The following KIAA0586 variants were observed in gnomAD, a reference collection of about 807,000 sequenced individuals.
The protein encoded by KIAA0586 is protein TALPID3.
KIAA0586 carries 144 observed loss-of-function variants against 169.8 expected under a neutral mutation model. The observed-to-expected ratio is 0.85, with a 90% CI of 0.74 to 0.97. The LOEUF is 0.97. Ranked by LOEUF, KIAA0586 falls within the 50% of genes least tolerant of loss-of-function variation. The pLI, the probability that KIAA0586 is intolerant of heterozygous loss-of-function variation, is 0.00. For missense variants in KIAA0586, 1,854 were observed against 1,823.0 expected (o/e 1.02, Z -0.31); for synonymous variants, 625 against 612.4 (o/e 1.02, Z -0.30).
chr14:58,540,186 T>G, intron 30 of KIAA0586, 50 bp downstream of exon 30: 1 of 1,017,680 alleles, frequency 9.8e-7, no homozygotes, highest in Non-Finnish European at 1.5e-6. Context: ...TTCAGATTTT[T>G]TCATTTCCTG....
intron 9 of KIAA0586, 145 bp downstream of exon 9, chr14:58,453,618 C>G (rs2039582109): frequency 1.8e-6 from 1 of 556,230 alleles, no homozygotes; most frequent in Non-Finnish European, 3.0e-6. Flanking sequence ...GCTAATATAT[C>G]TTCCCCCTTT....
At chr14:58,547,684 G>GCC in intron 30 of KIAA0586, 97 bp from the exon 31 acceptor site, 1 of 946,966 alleles carries the variant, frequency 1.1e-6, no homozygotes, top group Non-Finnish European at 1.6e-6. Context: ...TGGAATCCGC[G>GCC]CCCCCCCACC....
At chr14:58,514,454 AT>A (rs1566927764) in intron 29 of KIAA0586, among the ~76,000 whole-genome samples, 1 of 151,984 alleles carries the variant, frequency 6.6e-6, no homozygotes, top group African/African-American at 2.4e-5. Flanking sequence ...AATTTTGGCT[AT>A]TTCAGGGGGA....
intron 29 of KIAA0586, among the ~76,000 whole-genome samples, chr14:58,524,622 C>G (rs559175803): frequency 6.6e-5 from 10 of 152,302 alleles, no homozygotes; most frequent in African/African-American, 2.4e-4. Context: ...GAGTTCAAAT[C>G]CTAGCTCAGC....
intron 29 of KIAA0586, among the ~76,000 whole-genome samples, chr14:58,522,257 A>G (rs2045280273): frequency 6.6e-6 from 1 of 152,216 alleles, no homozygotes; most frequent in African/African-American, 2.4e-5. Context: ...CTTAATAAAA[A>G]GGATATGTGG....
chr14:58,557,201 A>G, the KIAA0586 span, among the ~76,000 whole-genome samples: 1 of 152,214 alleles, frequency 6.6e-6, no homozygotes, highest in Non-Finnish European at 1.5e-5. Context: ...TAGTAGACAG[A>G]TGGACTGATT....
intron 21 of KIAA0586, 63 bp downstream of exon 21, chr14:58,482,775 A>C (rs2042125389): frequency 9.2e-7 from 1 of 1,088,112 alleles, no homozygotes; most frequent in African/African-American, 1.6e-5. Context: ...TAAGCTGCAT[A>C]CCATAAGATC....
intron 29 of KIAA0586, chr14:58,521,205 G>T: frequency 1.2e-6 from 1 of 858,256 alleles, no homozygotes; most frequent in Non-Finnish European, 1.8e-6. Flanking sequence ...TTTGTGAGAA[G>T]CCTCATCATC....
intron 4 of KIAA0586, among the ~76,000 whole-genome samples, chr14:58,438,514 C>G (rs567444684): frequency 6.6e-6 from 1 of 152,220 alleles, no homozygotes; most frequent in East Asian, 1.9e-4. Flanking sequence ...GCTACCATTC[C>G]CAACCCCAGG....
At chr14:58,459,723 G>T in intron 12 of KIAA0586, 120 bp from the exon 13 acceptor site, 1 of 488,814 alleles carries the variant, frequency 2.0e-6, no homozygotes, top group South Asian at 4.2e-5. Flanking sequence ...TATTTTTAAT[G>T]CATTTAAAAC....
chr14:58,538,233 T>A (rs749574080), intron 29 of KIAA0586, among the ~76,000 whole-genome samples: 1 of 152,192 alleles, frequency 6.6e-6, no homozygotes, highest in Non-Finnish European at 1.5e-5. Context: ...CAAATATATG[T>A]AACTTGTATT....
chr14:58,538,360 G>A (rs1023830485), intron 29 of KIAA0586, among the ~76,000 whole-genome samples: 2 of 152,108 alleles, frequency 1.3e-5, no homozygotes, highest in East Asian at 1.9e-4. Flanking sequence ...AATATGGAAT[G>A]CTTATAAACT....
chr14:58,528,344 C>T (rs1258455346), intron 29 of KIAA0586, among the ~76,000 whole-genome samples: 1 of 152,060 alleles, frequency 6.6e-6, no homozygotes, highest in Non-Finnish European at 1.5e-5. Flanking sequence ...CAGCTGTGGA[C>T]CAAGCAGGCC....
At chr14:58,473,311 G>A (rs1169002690) in intron 18 of KIAA0586, among the ~76,000 whole-genome samples, 1 of 152,106 alleles carries the variant, frequency 6.6e-6, no homozygotes, top group East Asian at 1.9e-4. Context: ...ACCATAAGTT[G>A]ATAATTGTTA....
Position 58,487,033 on chromosome 14 carries a change from C to A in KIAA0586, c.3171C>A (p.Thr1057=), listed in dbSNP as rs760591510. The change falls in exon 22 of 31, where the codon ACC becomes ACA. Residue 1057 remains threonine (T), a synonymous_variant. Transcript: ENST00000652326. ...LPARVCTPLP[T]PQPTPPCSPS... ...CAAGAGTGTGCACCCCACTGCCTAC[C>A]CCACAGCCTACGCCTCCTTGCTCAC... is the stretch of plus-strand genomic sequence containing the variant. The A allele has an allele frequency of 6.2e-7, 1 of 1,611,748 alleles. No homozygotes were observed. The highest frequency in any genetic ancestry group is 8.5e-7 in the Non-Finnish European group (1 of 1,178,606).
intron 7 of KIAA0586, among the ~76,000 whole-genome samples, chr14:58,449,638 G>A (rs1324483545): frequency 6.6e-6 from 1 of 152,202 alleles, no homozygotes; most frequent in Non-Finnish European, 1.5e-5. Context: ...TGACTTGCCT[G>A]CTCAAGGTTA....
At position 58,526,787 on chromosome 14, in the gene KIAA0586, C is replaced by G. The variant is rs151326058; in HGVS notation, c.4430-13284C>G. Among the ~76,000 whole-genome samples, 397 of 152,202 alleles carry G rather than the reference C, an allele frequency of 2.6e-3. 1 individual carries two copies. Among genetic ancestry groups the G allele is most frequent in the Non-Finnish European group, 4.1e-3 (277 of 67,988 alleles). ...CTAAAGGAGCATGTTCTAACCCTTT[C>G]TATTCCTTCAAATTAGCTCTGGAAA... is the stretch of plus-strand genomic sequence containing the variant. On this transcript the variant is annotated intron_variant, in intron 29 of 30. Transcript: ENST00000652326.
At chr14:58,490,344 C>A (rs943473564) in intron 25 of KIAA0586, 104 bp downstream of exon 25, 6 of 501,600 alleles carry the variant, frequency 1.2e-5, no homozygotes, top group African/African-American at 1.0e-4. Flanking sequence ...GTTATAGACA[C>A]AAAATTTAGT....
chr14:58,523,178 C>T (rs2045342581), intron 29 of KIAA0586, among the ~76,000 whole-genome samples: 1 of 152,026 alleles, frequency 6.6e-6, no homozygotes, highest in African/African-American at 2.4e-5. Flanking sequence ...GAATATTATG[C>T]AAGGATTTCT....
Sources: gnomAD v4.1 joint callset for allele counts (sites outside exome capture counted in the v4.1 genomes callset) on GRCh38, gnomAD v4.1.1 for gene constraint, MANE v1.5 for transcripts, NCBI Gene and HGNC (gene_info 2026-07-23, HGNC 2026-07-21) for gene names.